NFIB: variants seen among roughly 807,000 people sequenced by gnomAD.
NFIB encodes nuclear factor I B.
A neutral mutation model predicts 61.5 loss-of-function variants in NFIB; 11 were observed. The ratio of observed to expected loss-of-function variants is 0.18; its 90% CI spans 0.11 to 0.30. The LOEUF is 0.30. NFIB is among the 10% of genes least tolerant of loss of function. The pLI, the probability that NFIB is intolerant of heterozygous loss-of-function variation, is 1.00. For synonymous variants in NFIB, 260 were observed against 216.5 expected (o/e 1.20, Z -1.76); for missense variants, 471 against 608.9 (o/e 0.77, Z 2.38).
chr9:14,173,853 G>A (rs12335813), intron 3 of NFIB, among the ~76,000 whole-genome samples: 1 of 151,624 alleles, frequency 6.6e-6, no homozygotes, highest in African/African-American at 2.4e-5. Flanking sequence ...CCCTTTTTTT[G>A]ACTCTTTCAC....
intron 1 of NFIB, among the ~76,000 whole-genome samples, chr9:14,340,558 T>A (rs1039085386): frequency 1.3e-5 from 2 of 152,186 alleles, no homozygotes; most frequent in Non-Finnish European, 2.9e-5. Context: ...TTCCAAAGAC[T>A]CCTAAACTGA....
At chr9:14,481,197 G>GTATGTATATATATATATATA in the NFIB span, among the ~76,000 whole-genome samples, 1 of 45,824 alleles carries the variant, frequency 2.2e-5, no homozygotes, top group African/African-American at 9.4e-5. Flanking sequence ...GTGTGTGTGT[G>GTATGTATATATATATATATA]TATATATATA....
chr9:14,430,970 G>A, the NFIB span, among the ~76,000 whole-genome samples: 7 of 152,218 alleles, frequency 4.6e-5, no homozygotes, highest in Non-Finnish European at 7.4e-5. Flanking sequence ...CAGGTATTAC[G>A]TTTGGTATAA....
intron 6 of NFIB, among the ~76,000 whole-genome samples, chr9:14,134,294 C>A (rs935584225): frequency 2.6e-5 from 4 of 152,096 alleles, no homozygotes; most frequent in African/African-American, 7.2e-5. Context: ...TTACCAAAAG[C>A]CTTAGAAATG....
At chr9:14,494,350 G>C in the NFIB span, among the ~76,000 whole-genome samples, 60 of 152,236 alleles carry the variant, frequency 3.9e-4, 1 homozygote, top group African/African-American at 1.4e-3. Context: ...CTTATTGTCA[G>C]ACTTCTTAAT....
chr9:14,245,725 C>A (rs888027637), intron 2 of NFIB, among the ~76,000 whole-genome samples: 1 of 151,888 alleles, frequency 6.6e-6, no homozygotes, highest in African/African-American at 2.4e-5. Flanking sequence ...ATAGAAAAAT[C>A]AGCAGGGCGT....
At chr9:14,384,337 A>C (rs776910355) in intron 1 of NFIB, among the ~76,000 whole-genome samples, 10 of 152,214 alleles carry the variant, frequency 6.6e-5, no homozygotes, top group Non-Finnish European at 1.3e-4. Flanking sequence ...GGTAGTAAAC[A>C]GCCTGAGAGA....
chr9:14,217,019 A>G (rs1021351774), intron 2 of NFIB, among the ~76,000 whole-genome samples: 1 of 152,232 alleles, frequency 6.6e-6, no homozygotes, highest in Non-Finnish European at 1.5e-5. Flanking sequence ...GTCTACTAGG[A>G]AGGACTTAAT....
chr9:14,491,046 A>C, the NFIB span, among the ~76,000 whole-genome samples: 1 of 152,214 alleles, frequency 6.6e-6, no homozygotes, highest in Non-Finnish European at 1.5e-5. Flanking sequence ...AAATTAAAAG[A>C]AGCCCAAATG....
rs1225215597 is a variant in NFIB, at chr9:14,084,085, G to A, written c.*4224C>T. The A allele has an allele frequency of 9.7e-6, 2 of 206,374 alleles. No individual in the cohort carries two copies. Among genetic ancestry groups the A allele is most frequent in the Admixed American group, 1.2e-4 (2 of 16,820 alleles). The allele number at this position is 206,374 out of a possible 1,614,324, so 12.8% of individuals were successfully genotyped here. A position where few individuals can be genotyped will look rare whatever the true frequency, so the allele number is the denominator to read the frequency against. On this transcript the variant is annotated 3_prime_UTR_variant, in exon 11 of 11. Coordinates refer to ENST00000380953, the MANE Select transcript of NFIB (RefSeq NM_001190737.2). ...CCATTTACACTTTTTTAAAGGATTA[G>A]TATCCTATGCTTTTCAAGCACAGGA...
chr9:14,503,017 G>C, the NFIB span, among the ~76,000 whole-genome samples: 1 of 151,792 alleles, frequency 6.6e-6, no homozygotes, highest in Non-Finnish European at 1.5e-5. Flanking sequence ...TAGAATGAGA[G>C]TCTCCAATTC....
At chr9:14,415,740 G>C in the NFIB span, among the ~76,000 whole-genome samples, 3 of 152,210 alleles carry the variant, frequency 2.0e-5, no homozygotes, top group Admixed American at 1.3e-4. Context: ...TGTGGAAATG[G>C]TGATGTCGGT....
chr9:14,134,658 G>A (rs1464273597), intron 6 of NFIB, among the ~76,000 whole-genome samples: 3 of 152,058 alleles, frequency 2.0e-5, no homozygotes, highest in African/African-American at 4.8e-5. Flanking sequence ...TTGGGAGGCC[G>A]AGGCGGGTGG....
chr9:14,498,972 T>C, the NFIB span, among the ~76,000 whole-genome samples: 1,262 of 152,110 alleles, frequency 8.3e-3, 12 homozygotes, highest in African/African-American at 0.029. Context: ...AGGCTATGTA[T>C]GGAAGTCATT....
At chr9:14,292,913 TAAAC>T (rs1485289406) in intron 2 of NFIB, among the ~76,000 whole-genome samples, 1 of 151,952 alleles carries the variant, frequency 6.6e-6, no homozygotes, top group Non-Finnish European at 1.5e-5. Flanking sequence ...TGCATCTTAA[TAAAC>T]AAAAAAAATT....
intron 1 of NFIB, chr9:14,398,450 C>T (rs1041784977): frequency 1.9e-5 from 21 of 1,133,676 alleles, no homozygotes; most frequent in Non-Finnish European, 1.7e-5. Context: ...GAACCCCACA[C>T]TGAGACACAT....
Position 14,397,211 on chromosome 9 carries a change from T to C in NFIB, c.108+1313A>G, listed in dbSNP as rs140836442. On this transcript the variant is annotated intron_variant, in intron 1 of 8. Coordinates refer to the NFIB transcript ENST00000380934. ...AAGCAAAACTGAACCTTAACAAAAT[T>C]GCTGTTGTCATGTTCAACTATAGGT... 2.6e-5 allele frequency among the ~76,000 whole-genome samples: 4 copies of C among 152,332 alleles called. No homozygotes were observed. In the East Asian group the frequency reaches 7.7e-4, roughly 29 times the overall value.
chr9:14,088,752 A>G (rs2033299536), intron 10 of NFIB, among the ~76,000 whole-genome samples: 1 of 152,150 alleles, frequency 6.6e-6, no homozygotes, highest in Non-Finnish European at 1.5e-5. Flanking sequence ...TTTAATTCAC[A>G]AGCAATTCAG....
intron 2 of NFIB, among the ~76,000 whole-genome samples, chr9:14,287,770 T>A (rs1563977947): frequency 6.6e-6 from 1 of 152,068 alleles, no homozygotes; most frequent in Non-Finnish European, 1.5e-5. Flanking sequence ...AGGAAACACC[T>A]ATATTCTGGA....
Sources: allele counts gnomAD v4.1 joint callset (sites outside exome capture counted in the v4.1 genomes callset), GRCh38; gene constraint gnomAD v4.1.1; transcripts MANE v1.5; gene names NCBI Gene and HGNC (gene_info 2026-07-23, HGNC 2026-07-21).